The following FSTL5 variants were observed in gnomAD, a reference collection of about 807,000 sequenced individuals.
FSTL5 encodes the protein follistatin like 5.
Under a neutral mutation model 89.1 loss-of-function variants are expected in FSTL5, and 62 were observed. The ratio of observed to expected loss-of-function variants is 0.70; its 90% CI spans 0.57 to 0.86. The LOEUF (loss-of-function observed/expected upper bound fraction) is 0.86. Among genes scored for constraint, FSTL5 ranks in the 40% least tolerant of loss-of-function variants. FSTL5 has a pLI of 0.00. For missense variants in FSTL5, 1,057 were observed against 1,001.6 expected (o/e 1.06, Z -0.75); for synonymous variants, 383 against 346.2 (o/e 1.11, Z -1.18).
intron 15 of FSTL5, among the ~76,000 whole-genome samples, chr4:161,413,283 AT>A (rs150362794): frequency 0.022 from 184 of 8,466 alleles, 1 homozygote; most frequent in African/African-American, 0.057. Context: ...AAAAAAAAAA[AT>A]AAAGACACAC....
chr4:162,124,707 G>GT (rs59015731), intron 1 of FSTL5, among the ~76,000 whole-genome samples: 9,817 of 151,512 alleles, frequency 0.065, 662 homozygotes, highest in African/African-American at 0.17. Context: ...TTTTTTGTTT[G>GT]TTTTTTTTCT....
At chr4:161,592,738 G>T (rs1733868079) in intron 7 of FSTL5, among the ~76,000 whole-genome samples, 1 of 152,118 alleles carries the variant, frequency 6.6e-6, no homozygotes, top group African/African-American at 2.4e-5. Context: ...AAACATACGT[G>T]AGCAAGTGTC....
At chr4:161,674,321 G>A (rs1737224312) in intron 6 of FSTL5, among the ~76,000 whole-genome samples, 1 of 151,832 alleles carries the variant, frequency 6.6e-6, no homozygotes, top group Non-Finnish European at 1.5e-5. Context: ...GAATAGAAAT[G>A]AGGGGGAAAA....
At chr4:162,008,756 C>T (rs1403836050) in intron 3 of FSTL5, among the ~76,000 whole-genome samples, 1 of 151,794 alleles carries the variant, frequency 6.6e-6, no homozygotes, top group Non-Finnish European at 1.5e-5. Context: ...GACTTTAGGC[C>T]ATTCTTTTTA....
chr4:161,475,852 C>T lies in FSTL5; in HGVS notation c.1608+5168G>A, dbSNP rs189229725. Among the ~76,000 whole-genome samples the T allele has an allele frequency of 3.1e-3, 474 of 151,952 alleles. 6 individuals carry two copies. Among genetic ancestry groups the T allele is most frequent in the Admixed American group, 0.028 (429 of 15,240 alleles). ...GCAAGCTCCGCTTCCTGGGTTCACA[C>T]CATTCTCCTACCTCAGCCTCCCGAG... is the stretch of plus-strand genomic sequence containing the variant. On this transcript the variant is annotated intron_variant, in intron 13 of 15. Coordinates refer to ENST00000306100, the MANE Select transcript of FSTL5 (RefSeq NM_020116.5).
chr4:162,137,230 A>G (rs1359736710), intron 1 of FSTL5, among the ~76,000 whole-genome samples: 1 of 152,172 alleles, frequency 6.6e-6, no homozygotes, highest in Non-Finnish European at 1.5e-5. Flanking sequence ...ATGTACCAAA[A>G]TATCTCAATA....
chr4:161,404,136 T>C (rs2110915633), intron 15 of FSTL5, among the ~76,000 whole-genome samples: 1 of 152,264 alleles, frequency 6.6e-6, no homozygotes, highest in South Asian at 2.1e-4. Context: ...TAATGCAAGG[T>C]GCTTGCCTCT....
intron 12 of FSTL5, among the ~76,000 whole-genome samples, chr4:161,488,301 C>A (rs953243560): frequency 6.6e-6 from 1 of 151,978 alleles, no homozygotes; most frequent in Non-Finnish European, 1.5e-5. Flanking sequence ...AACGTGGGGG[C>A]TCTATTTGCC....
intron 6 of FSTL5, among the ~76,000 whole-genome samples, chr4:161,657,153 T>C (rs146228698): frequency 1.3e-5 from 2 of 152,342 alleles, no homozygotes; most frequent in East Asian, 3.9e-4. Context: ...TTTCTGTCTA[T>C]TGCTGGACAA....
At chr4:161,779,785 A>ACATATATATG (rs1741570582) in intron 4 of FSTL5, among the ~76,000 whole-genome samples, 2 of 44,284 alleles carry the variant, frequency 4.5e-5, no homozygotes, top group Admixed American at 2.9e-4. Context: ...GTATATATAT[A>ACATATATATG]TATATATATA....
At chr4:161,689,881 A>G (rs1737870612) in intron 6 of FSTL5, among the ~76,000 whole-genome samples, 2 of 152,176 alleles carry the variant, frequency 1.3e-5, no homozygotes, top group African/African-American at 4.8e-5. Context: ...TGGATATTCC[A>G]TATAAAAGAA....
intron 3 of FSTL5, among the ~76,000 whole-genome samples, chr4:161,981,922 G>A (rs956803652): frequency 2.0e-5 from 3 of 152,056 alleles, no homozygotes; most frequent in Non-Finnish European, 4.4e-5. Context: ...AATAACTTTA[G>A]TTACCTCAAA....
Position 162,031,405 on chromosome 4 carries a change from T to A in FSTL5, c.160+2220A>T, listed in dbSNP as rs547306419. On this transcript the variant is annotated intron_variant, in intron 3 of 15. Coordinates refer to ENST00000306100, the MANE Select transcript of FSTL5 (RefSeq NM_020116.5). ...TAGTAATCAATGAATATAAAATATT[T>A]GATTTTCAGAATTTTTGTCATTTGC... Among the ~76,000 whole-genome samples, 8 of 152,344 alleles carry A rather than the reference T, an allele frequency of 5.3e-5. No homozygotes were observed. In the South Asian group the frequency reaches 1.0e-3, roughly 20 times the overall value.
chr4:162,022,245 T>TA (rs779109712), intron 3 of FSTL5, among the ~76,000 whole-genome samples: 1 of 151,990 alleles, frequency 6.6e-6, no homozygotes, highest in Non-Finnish European at 1.5e-5. Context: ...AACAAGTAAT[T>TA]AAAAAACCAC....
Position 161,535,438 on chromosome 4 carries a change from G to A in FSTL5, c.1312+2728C>T, listed in dbSNP as rs1439242215. 2.6e-5 allele frequency among the ~76,000 whole-genome samples: 4 copies of A among 152,066 alleles called. No homozygotes were observed. In the East Asian group the frequency reaches 7.7e-4, roughly 29 times the overall value. On this transcript the variant is annotated intron_variant, in intron 10 of 15. Transcript: ENST00000306100. ...AAAAGCATAAGAACAGACACTTATC[G>A]AAAGAAGCCATACAAATGGTCAGCA...
At chr4:161,953,141 G>A (rs1734942723) in intron 3 of FSTL5, among the ~76,000 whole-genome samples, 1 of 151,568 alleles carries the variant, frequency 6.6e-6, no homozygotes, top group African/African-American at 2.4e-5. Context: ...GGCAATCTAA[G>A]TAGGTCCTTC....
At chr4:161,792,334 C>T (rs1029076503) in intron 4 of FSTL5, among the ~76,000 whole-genome samples, 4 of 152,030 alleles carry the variant, frequency 2.6e-5, no homozygotes, top group Admixed American at 6.6e-5. Flanking sequence ...GGACTCTAGG[C>T]GCCCCGCAGC....
In FSTL5 at chr4:162,028,938, T is replaced by G. The variant is rs75374636; in HGVS notation, c.160+4687A>C. On this transcript the variant is annotated intron_variant, in intron 3 of 15. Coordinates refer to ENST00000306100, the MANE Select transcript of FSTL5 (RefSeq NM_020116.5). Reference sequence around the variant, plus strand: ...GAGATTAATCTACTAGAAAGAGCTCTGAATATTCAAGCATTCCAGATTTGG... The same window carrying G: ...GAGATTAATCTACTAGAAAGAGCTCGGAATATTCAAGCATTCCAGATTTGG... Among the ~76,000 whole-genome samples the G allele has an allele frequency of 1.5e-3, 232 of 152,312 alleles. 7 individuals are homozygous for G. In the East Asian group the frequency reaches 0.042, roughly 27 times the overall value.
chr4:161,392,062 A>G (rs1000565040), intron 15 of FSTL5, among the ~76,000 whole-genome samples: 13 of 152,098 alleles, frequency 8.5e-5, no homozygotes, highest in African/African-American at 3.1e-4. Context: ...TTATTCTGAT[A>G]TGTAGGGACT....
Sources: gnomAD v4.1 joint callset for allele counts (sites outside exome capture counted in the v4.1 genomes callset) on GRCh38, gnomAD v4.1.1 for gene constraint, MANE v1.5 for transcripts, NCBI Gene and HGNC (gene_info 2026-07-23, HGNC 2026-07-21) for gene names.